SLC24A3: variants seen among roughly 807,000 people sequenced by gnomAD.
SLC24A3 encodes sodium/potassium/calcium exchanger 3.
SLC24A3 carries 28 observed loss-of-function variants against 75.8 expected under a neutral mutation model. The observed-to-expected ratio is 0.37, with a 90% CI of 0.27 to 0.51. The LOEUF (loss-of-function observed/expected upper bound fraction) is 0.51, where lower values mean the gene tolerates loss of function less well. SLC24A3 is among the 20% of genes least tolerant of loss of function. The pLI, the probability that SLC24A3 is intolerant of heterozygous loss-of-function variation, is 0.94. For missense variants in SLC24A3, 663 were observed against 847.8 expected, an observed-to-expected ratio of 0.78 and a Z score of 2.71; for synonymous variants, 372 against 334.1, an observed-to-expected ratio of 1.11 and a Z score of -1.24.
At chr20:19,380,803 G>T (rs1284374789) in intron 2 of SLC24A3, among the ~76,000 whole-genome samples, 1 of 152,146 alleles carries the variant, frequency 6.6e-6, no homozygotes, top group Non-Finnish European at 1.5e-5. Context: ...CACCAACCTT[G>T]GACATGAGAG....
At chr20:19,629,942 C>T (rs1282921572) in intron 6 of SLC24A3, among the ~76,000 whole-genome samples, 6 of 152,044 alleles carry the variant, frequency 3.9e-5, no homozygotes, top group Non-Finnish European at 8.8e-5. Flanking sequence ...GAAAGCCAAA[C>T]AAAAGTATAC....
rs377569197 is a variant in SLC24A3 at position 19,636,126 on chromosome 20, C to T, written c.613-17936C>T. Among the ~76,000 whole-genome samples the T allele has an allele frequency of 1.4e-4, 21 of 148,890 alleles. 1 individual carries two copies. Among genetic ancestry groups the T allele is most frequent in the African/African-American group, 4.9e-4 (19 of 38,942 alleles). ...CTGCACTTCAGCCTGGGCGACAGAG[C>T]GAGACTCCATCTCAAAAAAAGAAAG... On this transcript the variant is annotated intron_variant, in intron 6 of 16. Coordinates refer to ENST00000328041, the MANE Select transcript of SLC24A3 (RefSeq NM_020689.4).
In SLC24A3 at chr20:19,330,233, G is replaced by A. The variant is rs115958794; in HGVS notation, c.271+49146G>A. On this transcript the variant is annotated intron_variant, in intron 2 of 16. Coordinates refer to ENST00000328041, the MANE Select transcript of SLC24A3 (RefSeq NM_020689.4). ...GCTGGGCTGAGGAGGGCCTCCAATC[G>A]GTGGGTCTGGACCTGCTCAGACTCC... Among the ~76,000 whole-genome samples the A allele has an allele frequency of 2.2e-3, 330 of 152,296 alleles. 1 individual carries two copies. The highest frequency in any genetic ancestry group is 7.2e-3 in the African/African-American group (301 of 41,554).
intron 2 of SLC24A3, among the ~76,000 whole-genome samples, chr20:19,472,948 A>AG (rs1300721325): frequency 6.6e-6 from 1 of 152,210 alleles, no homozygotes; most frequent in Non-Finnish European, 1.5e-5. Context: ...GAAGGGAACA[A>AG]GGGGTGTTTA....
chr20:19,228,602 G>A (rs1410177386), intron 1 of SLC24A3, among the ~76,000 whole-genome samples: 3 of 151,620 alleles, frequency 2.0e-5, no homozygotes, highest in East Asian at 1.9e-4. Flanking sequence ...CTGAGATCAC[G>A]CCACTGCACT....
At chr20:19,269,774 C>T (rs1002201013) in intron 1 of SLC24A3, among the ~76,000 whole-genome samples, 2 of 152,170 alleles carry the variant, frequency 1.3e-5, no homozygotes, top group Non-Finnish European at 2.9e-5. Flanking sequence ...TTTCACTCTC[C>T]ATCATCAGGT....
At chr20:19,228,455 CTG>C (rs1981928125) in intron 1 of SLC24A3, among the ~76,000 whole-genome samples, 2 of 152,064 alleles carry the variant, frequency 1.3e-5, no homozygotes, top group African/African-American at 4.8e-5. Context: ...CTGGCTAACA[CTG>C]TGAAACCTTG....
At chr20:19,262,178 C>T (rs986562102) in intron 1 of SLC24A3, among the ~76,000 whole-genome samples, 4 of 151,738 alleles carry the variant, frequency 2.6e-5, no homozygotes, top group Non-Finnish European at 4.4e-5. Context: ...CCGAGGCGGG[C>T]GGATCACGAG....
In SLC24A3 at chr20:19,300,749, C is replaced by T. The variant is rs528647538; in HGVS notation, c.271+19662C>T. Among the ~76,000 whole-genome samples, 8 of 152,242 alleles carry T rather than the reference C, an allele frequency of 5.3e-5. No homozygotes were observed. The South Asian group carries it at 1.7e-3, about 32-fold the overall frequency. On this transcript the variant is annotated intron_variant, in intron 2 of 16. Coordinates refer to ENST00000328041, the MANE Select transcript of SLC24A3 (RefSeq NM_020689.4). Reference sequence around the variant, plus strand: ...GGAGAAGAGACAAGGAGGGGTGTCTCTCTCTCATTCCTGGAGTCTTCAGCT... The same window carrying T: ...GGAGAAGAGACAAGGAGGGGTGTCTTTCTCTCATTCCTGGAGTCTTCAGCT...
chr20:19,330,544 A>G (rs1984975117), intron 2 of SLC24A3, among the ~76,000 whole-genome samples: 2 of 152,218 alleles, frequency 1.3e-5, no homozygotes, highest in South Asian at 2.1e-4. Context: ...ATAAGAATCC[A>G]TGATTTCATA....
At chr20:19,315,981 T>G (rs937493481) in intron 2 of SLC24A3, among the ~76,000 whole-genome samples, 1 of 152,154 alleles carries the variant, frequency 6.6e-6, no homozygotes, top group Non-Finnish European at 1.5e-5. Context: ...ACACAAAGCT[T>G]TTTATTACAA....
At chr20:19,254,911 T>C (rs1416029597) in intron 1 of SLC24A3, among the ~76,000 whole-genome samples, 1 of 152,226 alleles carries the variant, frequency 6.6e-6, no homozygotes, top group Non-Finnish European at 1.5e-5. Flanking sequence ...ACGTAAACTC[T>C]CTGTGCCATA....
chr20:19,477,442 C>A (rs1005938527), intron 2 of SLC24A3, among the ~76,000 whole-genome samples: 2 of 152,098 alleles, frequency 1.3e-5, no homozygotes, highest in African/African-American at 4.8e-5. Context: ...TGGAGGCAAG[C>A]TAAGTCCAAA....
intron 1 of SLC24A3, 42 bp from the exon 2 acceptor site, chr20:19,280,917 C>G (rs1169406221): frequency 3.1e-6 from 5 of 1,603,666 alleles, no homozygotes; most frequent in African/African-American, 2.7e-5. Context: ...AGGCTGAAAC[C>G]CAGCTGTGAA....
intron 4 of SLC24A3, among the ~76,000 whole-genome samples, chr20:19,582,351 A>C (rs985140825): frequency 7.2e-5 from 11 of 152,354 alleles, no homozygotes; most frequent in African/African-American, 2.6e-4. Flanking sequence ...AAAACACAGA[A>C]GGTTGTCGTT....
chr20:19,608,679 G>A (rs2031630046), intron 6 of SLC24A3, among the ~76,000 whole-genome samples: 1 of 152,206 alleles, frequency 6.6e-6, no homozygotes, highest in Non-Finnish European at 1.5e-5. Flanking sequence ...AGGGTGTAAT[G>A]TATAATGGAG....
intron 2 of SLC24A3, among the ~76,000 whole-genome samples, chr20:19,512,564 T>G (rs970325574): frequency 3.9e-5 from 6 of 152,210 alleles, no homozygotes; most frequent in Non-Finnish European, 8.8e-5. Flanking sequence ...CTGTTCATGT[T>G]GTGGAGAATT....
chr20:19,713,319 GTT>G (rs1011818744), intron 15 of SLC24A3, among the ~76,000 whole-genome samples: 13 of 152,298 alleles, frequency 8.5e-5, no homozygotes, highest in African/African-American at 3.1e-4. Flanking sequence ...AGCATGCTGG[GTT>G]TAAAAACACT....
At chr20:19,512,652 C>G (rs766094260) in intron 2 of SLC24A3, among the ~76,000 whole-genome samples, 1 of 152,226 alleles carries the variant, frequency 6.6e-6, no homozygotes, top group Non-Finnish European at 1.5e-5. Context: ...AGATGTGCTC[C>G]CTGGCCCTCA....
Sources: allele counts gnomAD v4.1 joint callset (sites outside exome capture counted in the v4.1 genomes callset), GRCh38; gene constraint gnomAD v4.1.1; transcripts MANE v1.5; gene names NCBI Gene and HGNC (gene_info 2026-07-23, HGNC 2026-07-21).